GRIA4: variants seen among roughly 807,000 people sequenced by gnomAD.
GRIA4 encodes glutamate receptor 4.
In GRIA4, 34 loss-of-function variants were observed where a neutral mutation model predicts 104.0. That is an observed-to-expected ratio of 0.33 (90% CI 0.25 to 0.44). GRIA4 has a LOEUF of 0.44. Among genes scored for constraint, GRIA4 ranks in the 20% least tolerant of loss-of-function variants. The pLI is 1.00. For synonymous variants in GRIA4, 386 were observed against 381.9 expected (o/e 1.01, Z -0.13); for missense variants, 750 against 1,096.5 (o/e 0.68, Z 4.46).
At chr11:105,870,320 A>G (rs1945566618) in intron 5 of GRIA4, among the ~76,000 whole-genome samples, 1 of 151,738 alleles carries the variant, frequency 6.6e-6, no homozygotes, top group African/African-American at 2.4e-5. Context: ...AAGAGAAACA[A>G]ATTTTCTTGT....
chr11:105,838,098 AGAT>A (rs1254236704), intron 4 of GRIA4, among the ~76,000 whole-genome samples: 3 of 152,208 alleles, frequency 2.0e-5, no homozygotes, highest in Admixed American at 6.6e-5. Context: ...CAATAAAAGA[AGAT>A]AAAGGTAAAA....
rs771379563 is a variant in GRIA4 at position 105,924,657 on chromosome 11, G to C, written c.1735G>C (p.Glu579Gln). 8.1e-6 allele frequency: 13 copies of C among 1,613,050 alleles called. No homozygotes were observed. In the African/African-American group the frequency reaches 1.7e-4, roughly 22 times the overall value. ...ATATGAGTGGCACACAGAAGAGCCAGAGGACGGAAAGGAAGGACCCAGCGA... is the reference window on the plus strand; with the variant it reads ...ATATGAGTGGCACACAGAAGAGCCACAGGACGGAAAGGAAGGACCCAGCGA... ...SPYEWHTEEP[E>Q]DGKEGPSDQP... Residue 579 changes from glutamate (E) to glutamine (Q), a missense_variant, in exon 12 of 17, where the codon GAG becomes CAG. Coordinates refer to ENST00000282499, the MANE Select transcript of GRIA4 (RefSeq NM_000829.4).
chr11:105,671,971 C>T (rs1952388570), intron 3 of GRIA4, among the ~76,000 whole-genome samples: 1 of 152,088 alleles, frequency 6.6e-6, no homozygotes, highest in Non-Finnish European at 1.5e-5. Flanking sequence ...TTTGCTTTCA[C>T]ATTTCAGGGA....
chr11:105,854,573 G>C (rs1459938716), intron 4 of GRIA4, among the ~76,000 whole-genome samples: 1 of 152,178 alleles, frequency 6.6e-6, no homozygotes, highest in Non-Finnish European at 1.5e-5. Context: ...AAAGGTGGAG[G>C]AAATAAAAGA....
At chr11:105,703,236 C>A (rs1953569000) in intron 3 of GRIA4, among the ~76,000 whole-genome samples, 1 of 152,164 alleles carries the variant, frequency 6.6e-6, no homozygotes, top group Non-Finnish European at 1.5e-5. Context: ...TTCATATGGT[C>A]ATTCCTTATC....
At chr11:105,906,975 G>A (rs1193817329) in intron 9 of GRIA4, among the ~76,000 whole-genome samples, 1 of 152,158 alleles carries the variant, frequency 6.6e-6, no homozygotes, top group East Asian at 1.9e-4. Context: ...CCACACACCA[G>A]ACCTTGCAAA....
At chr11:105,972,893 T>C (rs946676173) in intron 15 of GRIA4, among the ~76,000 whole-genome samples, 1 of 152,164 alleles carries the variant, frequency 6.6e-6, no homozygotes. Context: ...AGAAAACAAA[T>C]TACTGGATAT....
At chr11:105,626,257 GCACACATA>G (rs1240697555) in intron 3 of GRIA4, among the ~76,000 whole-genome samples, 4 of 151,796 alleles carry the variant, frequency 2.6e-5, no homozygotes, top group Non-Finnish European at 5.9e-5. Flanking sequence ...ATAAAGGAGA[GCACACATA>G]CACACATACA....
At chr11:105,863,283 A>G (rs771372994) in intron 5 of GRIA4, among the ~76,000 whole-genome samples, 6 of 152,154 alleles carry the variant, frequency 3.9e-5, no homozygotes, top group African/African-American at 7.2e-5. Context: ...AAGTAAAAGA[A>G]AACAAACAAA....
chr11:105,726,979 C>T (rs576820317), intron 3 of GRIA4, among the ~76,000 whole-genome samples: 2 of 152,170 alleles, frequency 1.3e-5, no homozygotes, highest in East Asian at 3.9e-4. Context: ...GCCTCTTCTC[C>T]TCCGAAGAAA....
intron 10 of GRIA4, among the ~76,000 whole-genome samples, chr11:105,911,702 AAACC>A (rs1947240771): frequency 6.8e-6 from 1 of 147,624 alleles, no homozygotes; most frequent in Non-Finnish European, 1.5e-5. Context: ...TTTAGAATGC[AAACC>A]AACCAACAGC....
Position 105,862,175 on chromosome 11 carries a change from T to C in GRIA4, c.639T>C (p.Cys213=), listed in dbSNP as rs1199105758. 6.2e-7 allele frequency: 1 copy of C among 1,603,156 alleles called. No individual in the cohort carries two copies. The highest frequency in any genetic ancestry group is 1.1e-5 in the South Asian group (1 of 90,878). The change falls in exon 5 of 17, where the codon TGT becomes TGC. Residue 213 remains cysteine, a synonymous_variant. Coordinates refer to ENST00000282499, the MANE Select transcript of GRIA4 (RefSeq NM_000829.4). ...AAGAGAAGAAGTTTGTAATAGACTG[T>C]GAGATAGAGAGACTTCAAAACATAT... ...RRQEKKFVID[C]EIERLQNILE... is the part of the protein sequence containing the mutation.
intron 9 of GRIA4, among the ~76,000 whole-genome samples, 156 bp from the exon 10 acceptor site, chr11:105,910,279 G>A (rs1004816125): frequency 1.3e-5 from 2 of 151,872 alleles, no homozygotes; most frequent in African/African-American, 4.8e-5. Context: ...GAGCAAGTAA[G>A]AACACTTCTG....
intron 3 of GRIA4, among the ~76,000 whole-genome samples, chr11:105,614,877 T>C (rs185615315): frequency 2.4e-4 from 36 of 152,078 alleles, no homozygotes; most frequent in African/African-American, 8.2e-4. Context: ...AGGTAAAACG[T>C]AAGCAGTAAA....
chr11:105,934,075 G>T, intron 14 of GRIA4, 106 bp downstream of exon 14: 2 of 935,024 alleles, frequency 2.1e-6, no homozygotes, highest in Non-Finnish European at 3.1e-6. Flanking sequence ...TGGTATGTTT[G>T]TTTGTTTGTT....
At chr11:105,800,920 G>T (rs1942694093) in intron 4 of GRIA4, among the ~76,000 whole-genome samples, 1 of 151,854 alleles carries the variant, frequency 6.6e-6, no homozygotes, top group Non-Finnish European at 1.5e-5. Flanking sequence ...GTGCTTTTTA[G>T]GAGATAGATA....
At chr11:105,976,815 T>C (rs1219264194) in intron 16 of GRIA4, among the ~76,000 whole-genome samples, 4 of 151,964 alleles carry the variant, frequency 2.6e-5, no homozygotes, top group Non-Finnish European at 5.9e-5. Context: ...GTTTTCCAGT[T>C]TGAGGAACCT....
At position 105,910,471 on chromosome 11, in the gene GRIA4, A is replaced by T. The variant is rs753271877; in HGVS notation, c.1195A>T (p.Ile399Phe). The T allele has an allele frequency of 6.3e-7, 1 of 1,599,066 alleles. No homozygotes were observed. The highest frequency in any genetic ancestry group is 8.6e-7 in the Non-Finnish European group (1 of 1,166,528). Residue 399 changes from isoleucine (I) to phenylalanine (F), a missense_variant, in exon 10 of 17, where the codon ATT becomes TTT. By Grantham distance (21) the Ile-to-Phe change is conservative. Coordinates refer to ENST00000282499, the MANE Select transcript of GRIA4 (RefSeq NM_000829.4). ...YWNDMDKLVLIQDVPTLGNDT... is the reference protein window; with the variant it reads ...YWNDMDKLVLFQDVPTLGNDT... ...GAATGATATGGATAAGTTAGTCTTG[A>T]TTCAAGATGTACCAACTCTTGGCAA... is the stretch of plus-strand genomic sequence containing the variant.
At chr11:105,769,698 T>C (rs1941123265) in intron 4 of GRIA4, among the ~76,000 whole-genome samples, 1 of 151,924 alleles carries the variant, frequency 6.6e-6, no homozygotes, top group Non-Finnish European at 1.5e-5. Flanking sequence ...TAAAGCAGTA[T>C]GGAGGATGAA....
Sources: allele counts gnomAD v4.1 joint callset (sites outside exome capture counted in the v4.1 genomes callset), GRCh38; gene constraint gnomAD v4.1.1; transcripts MANE v1.5; gene names NCBI Gene and HGNC (gene_info 2026-07-23, HGNC 2026-07-21).